Variants in NF1 observed in about 807,000 individuals in gnomAD.
The protein encoded by NF1 is neurofibromin.
A neutral mutation model predicts 325.7 loss-of-function variants in NF1; 122 were observed. The observed-to-expected ratio is 0.37, with a 90% CI of 0.32 to 0.44. NF1 has a LOEUF of 0.44. NF1 is among the 20% of genes least tolerant of loss of function. NF1 has a pLI of 1.00. For synonymous variants in NF1, 1,091 were observed against 1,186.0 expected (o/e 0.92, Z 1.65); for missense variants, 2,140 against 3,415.4 (o/e 0.63, Z 9.31).
rs138940494 is a variant in NF1 at position 31,106,752 on chromosome 17, T to A, written c.60+11383T>A. 2.0e-3 allele frequency among the ~76,000 whole-genome samples: 304 copies of A among 152,344 alleles called. 2 individuals carry two copies. The highest frequency in any genetic ancestry group is 7.0e-3 in the African/African-American group (291 of 41,592). ...TTCTCCTGGTCACTTTATCAAAACT[T>A]CTTCAGCTGTTAGAAGTTGTAACAT... On this transcript the variant is annotated intron_variant, in intron 1 of 57. Coordinates refer to ENST00000358273, the MANE Select transcript of NF1 (RefSeq NM_001042492.3).
Position 31,327,433 on chromosome 17 carries a change from CTTTTAGAATTTTATGTAAAAGAGT to C in NF1, c.5269-63_5269-40del, listed in dbSNP as rs2069372727. On this transcript the variant is annotated intron_variant, in intron 37 of 57. Coordinates refer to ENST00000358273, the MANE Select transcript of NF1 (RefSeq NM_001042492.3). ...TGTTTGGTTGGTTGGTTTCTGGAGCCTTTTAGAATTTTATGTAAAAGAGTTTAATTCTTCTCCACTTCACCCCGT... is the reference window on the plus strand; with the variant it reads ...TGTTTGGTTGGTTGGTTTCTGGAGCCTTAATTCTTCTCCACTTCACCCCGT... 5 of 1,309,092 alleles carry C rather than the reference CTTTTAGAATTTTATGTAAAAGAGT, an allele frequency of 3.8e-6. No individual in the cohort carries two copies. In the Admixed American group the frequency reaches 7.5e-5, roughly 20 times the overall value. The allele number at this position is 1,309,092 out of a possible 1,614,324, so 81.1% of individuals were successfully genotyped here. A position where few individuals can be genotyped will look rare whatever the true frequency, so the allele number is the denominator to read the frequency against.
chr17:31,217,471 CG>C (rs2066839472), intron 13 of NF1, among the ~76,000 whole-genome samples: 2 of 151,768 alleles, frequency 1.3e-5, no homozygotes, highest in Non-Finnish European at 1.5e-5. Flanking sequence ...GCCACCAAAC[CG>C]GCTTGTACTT....
intron 1 of NF1, among the ~76,000 whole-genome samples, chr17:31,103,103 A>G (rs1912506145): frequency 6.6e-6 from 1 of 151,502 alleles, no homozygotes; most frequent in South Asian, 2.1e-4. Flanking sequence ...AGCCTCCCAA[A>G]GTGCTGGGAT....
At chr17:31,278,644 C>T (rs1322688540) in intron 36 of NF1, among the ~76,000 whole-genome samples, 13 of 148,190 alleles carry the variant, frequency 8.8e-5, no homozygotes, top group South Asian at 2.1e-4. Context: ...GACAGAGTTT[C>T]GCTCTTGTTG....
At chr17:31,176,774 C>T (rs979642669) in intron 5 of NF1, among the ~76,000 whole-genome samples, 1 of 152,118 alleles carries the variant, frequency 6.6e-6, no homozygotes, top group Non-Finnish European at 1.5e-5. Flanking sequence ...AATCCTTTCC[C>T]CATTGCTTGT....
At chr17:31,249,796 A>G (rs2067462784) in intron 30 of NF1, among the ~76,000 whole-genome samples, 1 of 152,042 alleles carries the variant, frequency 6.6e-6, no homozygotes, top group African/African-American at 2.4e-5. Context: ...CAGTTTTAGG[A>G]ATTATTTATT....
chr17:31,339,867 T>C (rs1372222199), intron 46 of NF1, among the ~76,000 whole-genome samples: 1 of 152,092 alleles, frequency 6.6e-6, no homozygotes, highest in Non-Finnish European at 1.5e-5. Flanking sequence ...TAGGAGTTAA[T>C]GTAGGTAGAG....
At chr17:31,155,207 G>A (rs17885548) in intron 1 of NF1, among the ~76,000 whole-genome samples, 117 of 152,194 alleles carry the variant, frequency 7.7e-4, no homozygotes, top group Admixed American at 2.2e-3. Context: ...GCATTAGCAG[G>A]GTTTAATATT....
chr17:31,371,689 T>C (rs1156394000), intron 57 of NF1, among the ~76,000 whole-genome samples: 2 of 152,218 alleles, frequency 1.3e-5, no homozygotes, highest in African/African-American at 4.8e-5. Flanking sequence ...ATAAGGGTTT[T>C]AAAAAAGATT....
At chr17:31,335,364 T>TG (rs2069639825) in intron 40 of NF1, among the ~76,000 whole-genome samples, 2 of 106,836 alleles carry the variant, frequency 1.9e-5, no homozygotes, top group African/African-American at 8.5e-5. Flanking sequence ...ACTGTAGAAA[T>TG]CTGGTGACAT....
rs1321140955 is a variant in NF1 at position 31,159,105 on chromosome 17, G to A, written c.288+12G>A. 3 of 1,541,212 alleles carry A rather than the reference G, an allele frequency of 1.9e-6. No individual in the cohort carries two copies. The highest frequency in any genetic ancestry group is 2.7e-6 in the Non-Finnish European group (3 of 1,114,066). On this transcript the variant is annotated intron_variant, in intron 3 of 57. Coordinates refer to ENST00000358273, the MANE Select transcript of NF1 (RefSeq NM_001042492.3). Reference sequence around the variant, plus strand: ...AATGTCTTGCTGGGGTAAGTAAATTGATCTTAAGTAGGCAGGCTTTGTGAA... The same window carrying A: ...AATGTCTTGCTGGGGTAAGTAAATTAATCTTAAGTAGGCAGGCTTTGTGAA...
chr17:31,318,232 T>C (rs1042703274), intron 36 of NF1: 6 of 1,521,806 alleles, frequency 3.9e-6, no homozygotes, highest in Admixed American at 2.2e-5. Flanking sequence ...AACAACACTT[T>C]GGGATTAAAT....
At chr17:31,289,024 A>G (rs1469108107) in intron 36 of NF1, among the ~76,000 whole-genome samples, 2 of 152,196 alleles carry the variant, frequency 1.3e-5, no homozygotes, top group Non-Finnish European at 2.9e-5. Flanking sequence ...AACTAGTCAC[A>G]TCTTTGATCT....
intron 1 of NF1, among the ~76,000 whole-genome samples, chr17:31,120,447 A>T (rs974298181): frequency 6.6e-6 from 1 of 152,140 alleles, no homozygotes; most frequent in Non-Finnish European, 1.5e-5. Context: ...ATTTTTGCAC[A>T]TTGATTTTGT....
At chr17:31,208,939 G>A (rs1044483901) in intron 12 of NF1, among the ~76,000 whole-genome samples, 2 of 151,954 alleles carry the variant, frequency 1.3e-5, no homozygotes, top group African/African-American at 2.4e-5. Flanking sequence ...CATGGAGTCT[G>A]GCAACACAGG....
intron 39 of NF1, 79 bp downstream of exon 39, chr17:31,330,577 C>T (rs1232467049): frequency 2.7e-6 from 3 of 1,099,166 alleles, no homozygotes; most frequent in Non-Finnish European, 4.0e-6. Context: ...TCAGAATTTT[C>T]CAGTGAAGAC....
intron 36 of NF1, among the ~76,000 whole-genome samples, chr17:31,311,977 C>A (rs1348488364): frequency 6.6e-6 from 1 of 152,042 alleles, no homozygotes; most frequent in African/African-American, 2.4e-5. Flanking sequence ...AGTCCTGATT[C>A]TACGAAAACT....
chr17:31,331,711 A>G (rs1374313006), intron 39 of NF1: 2 of 151,828 alleles, frequency 1.3e-5, no homozygotes, highest in Admixed American at 6.6e-5. Context: ...GATACCAAGT[A>G]TGTTCTGCCT....
At position 31,236,067 on chromosome 17, in the gene NF1, T is replaced by G. The variant is rs72813695; in HGVS notation, c.3974+46T>G. On this transcript the variant is annotated intron_variant, in intron 29 of 57. Coordinates refer to ENST00000358273, the MANE Select transcript of NF1 (RefSeq NM_001042492.3). ...GAACCGCTGTTTTTTGTTTTTTTTT[T>G]TTTGTTTGTTTGTTTTACTAACACT... is the stretch of plus-strand genomic sequence containing the variant. 2.7e-3 allele frequency: 3,963 copies of G among 1,464,980 alleles called. 21 individuals are homozygous for G. The highest frequency in any genetic ancestry group is 7.6e-3 in the East Asian group (333 of 43,890). The allele number at this position is 1,464,980 out of a possible 1,614,324, so 90.7% of individuals were successfully genotyped here. A position where few individuals can be genotyped will look rare whatever the true frequency, so the allele number is the denominator to read the frequency against.
Sources: gnomAD v4.1 joint callset for allele counts (sites outside exome capture counted in the v4.1 genomes callset) on GRCh38, gnomAD v4.1.1 for gene constraint, MANE v1.5 for transcripts, NCBI Gene and HGNC (gene_info 2026-07-23, HGNC 2026-07-21) for gene names.